CALHM5: variants seen among roughly 807,000 people sequenced by gnomAD.
CALHM5 encodes calcium homeostasis modulator protein 5.
Under a neutral mutation model 20.9 loss-of-function variants are expected in CALHM5, and 17 were observed. The ratio of observed to expected loss-of-function variants is 0.82; its 90% CI spans 0.56 to 1.22. CALHM5 has a LOEUF of 1.22. Ranked by LOEUF, CALHM5 falls within the 50% of genes most tolerant of loss-of-function variation. CALHM5 has a pLI of 0.00. For synonymous variants in CALHM5, 148 were observed against 140.0 expected, an observed-to-expected ratio of 1.06 and a Z score of -0.40; for missense variants, 360 against 364.6, an observed-to-expected ratio of 0.99 and a Z score of 0.10.
Position 116,520,256 on chromosome 6 carries a change from A to T in CALHM5, c.*4267A>T, listed in dbSNP as rs1772306581. The stretch of plus-strand genomic sequence containing the variant: ...TAGCAGAAAACTGCTACCGCTTCTC[A>T]CATGATATATTTCAAGTACTTCAAC... On this transcript the variant is annotated 3_prime_UTR_variant, in exon 2 of 2. Coordinates refer to ENST00000368599, the MANE Select transcript of CALHM5 (RefSeq NM_153711.5). 6.6e-6 allele frequency: 1 copy of T among 152,206 alleles called. No individual in the cohort carries two copies. The highest frequency in any genetic ancestry group is 2.4e-5 in the African/African-American group (1 of 41,450). 9.4% of individuals were successfully genotyped at this position (152,206 alleles called of 1,614,324 possible).
chr6:116,515,542 C>G, intron 1 of CALHM5, 58 bp from the exon 2 acceptor site: 1 of 1,517,572 alleles, frequency 6.6e-7, no homozygotes, highest in Non-Finnish European at 8.9e-7. Flanking sequence ...CAATAATACC[C>G]CAGCTCCCTA....
At chr6:116,512,441 T>C in intron 1 of CALHM5, 1 of 558,914 alleles carries the variant, frequency 1.8e-6, no homozygotes, top group Non-Finnish European at 3.1e-6. Context: ...GATTATCTCT[T>C]TTCCGGTTCT....
intron 1 of CALHM5, among the ~76,000 whole-genome samples, chr6:116,515,391 T>C (rs1377314958): frequency 6.6e-6 from 1 of 152,180 alleles, no homozygotes; most frequent in Non-Finnish European, 1.5e-5. Flanking sequence ...GGGAGGAGAA[T>C]AGAGATTAGG....
rs1353885372 is a variant in CALHM5, at chr6:116,520,896, A to G, written c.*4907A>G. On this transcript the variant is annotated 3_prime_UTR_variant, in exon 2 of 2. Coordinates refer to ENST00000368599, the MANE Select transcript of CALHM5 (RefSeq NM_153711.5). ...TTTTCTTGGGCTGGGATGAACTTTC[A>G]GAAGTTTTACAGTGAGCATTTTTTT... The G allele has an allele frequency of 6.6e-6, 1 of 152,044 alleles. No individual in the cohort carries two copies. Among genetic ancestry groups the G allele is most frequent in the Admixed American group, 6.6e-5 (1 of 15,250 alleles). The allele number at this position is 152,044 out of a possible 1,614,324, so 9.4% of individuals were successfully genotyped here.
In CALHM5 at chr6:116,515,815, T is replaced by C; in HGVS notation, c.756T>C (p.Asp252=). ...GTTTTTTTGAAAACAAGAGGCCAGA[T>C]CCTTTTCCCATGCCTACGTTTGCTG... ...LKCFFENKRP[D]PFPMPTFAAW... Residue 252 remains aspartate, a synonymous_variant, in exon 2 of 2, where the codon GAT becomes GAC. Coordinates refer to ENST00000368599, the MANE Select transcript of CALHM5 (RefSeq NM_153711.5). 1 of 1,613,962 alleles carries C rather than the reference T, an allele frequency of 6.2e-7. No homozygotes were observed. The highest frequency in any genetic ancestry group is 8.5e-7 in the Non-Finnish European group (1 of 1,179,932).
Position 116,511,976 on chromosome 6 carries a change from T to C in CALHM5, c.280T>C (p.Cys94Arg). The change falls in exon 1 of 2, where the codon TGC becomes CGC. Residue 94 changes from cysteine to arginine, a missense_variant. Cys to Arg is a radical substitution (Grantham distance 180, BLOSUM62 -3). Transcript: ENST00000368599. ...PRKIFPRGHSCRFFYVLGQIT... is the reference protein window; with the variant it reads ...PRKIFPRGHSRRFFYVLGQIT... ...GAAAATCTTTCCCAGAGGCCACAGC[T>C]GCCGTTTCTTCTACGTCCTCGGCCA... The C allele has an allele frequency of 6.2e-7, 1 of 1,614,080 alleles. No homozygotes were observed. The highest frequency in any genetic ancestry group is 8.5e-7 in the Non-Finnish European group (1 of 1,180,004).
chr6:116,515,899 C>G lies in CALHM5; in HGVS notation c.840C>G (p.Thr280=), dbSNP rs768483579. Residue 280 remains threonine (T), a synonymous_variant, in exon 2 of 2, where the codon ACC becomes ACG. Transcript: ENST00000368599. ...ACCAAAGCCAGCAACACTATAGCAC[C>G]CTCCACAGAGTGGTGGACAATGGTC... ...SFHQSQQHYS[T]LHRVVDNGLQ... is the part of the protein sequence containing the mutation. 1 of 1,613,768 alleles carries G rather than the reference C, an allele frequency of 6.2e-7. No homozygotes were observed. Among genetic ancestry groups the G allele is most frequent in the African/African-American group, 1.3e-5 (1 of 74,860 alleles).
rs1293093613 is a variant in CALHM5, at chr6:116,512,163, T to C, written c.467T>C (p.Val156Ala). 3.7e-6 allele frequency: 6 copies of C among 1,612,674 alleles called. No homozygotes were observed. Among genetic ancestry groups the C allele is most frequent in the East Asian group, 2.2e-5 (1 of 44,880 alleles). ...PKECWEELHK[V>A]SCGKTSMLPT... ...GAGTGCTGGGAAGAACTTCACAAAG[T>C]ATCTTGTGGCAAAACTAGCATGCTA... is the stretch of plus-strand genomic sequence containing the variant. The change falls in exon 1 of 2, where the codon GTA (valine) becomes GCA (alanine). Residue 156 changes from valine to alanine, a missense_variant. By Grantham distance (64) the Val-to-Ala change is moderately conservative (BLOSUM62 0). Coordinates refer to ENST00000368599, the MANE Select transcript of CALHM5 (RefSeq NM_153711.5).
chr6:116,512,338 G>C (rs1772139278), intron 1 of CALHM5, 102 bp downstream of exon 1: 3 of 1,286,314 alleles, frequency 2.3e-6, no homozygotes, highest in African/African-American at 1.5e-5. Context: ...AGAATATTTT[G>C]AAACTAAATG....
rs1158065802 is a variant in CALHM5 at position 116,521,656 on chromosome 6, A to G, written c.*5667A>G. On this transcript the variant is annotated 3_prime_UTR_variant, in exon 2 of 2. Coordinates refer to ENST00000368599, the MANE Select transcript of CALHM5 (RefSeq NM_153711.5). ...ACTCAGTCCACTGATTCAAATGCCA[A>G]TCTTTTTTGGAAACACCCCTACATA... The G allele has an allele frequency of 1.3e-5, 2 of 152,142 alleles. No homozygotes were observed. The highest frequency in any genetic ancestry group is 1.9e-4 in the East Asian group (1 of 5,184). The allele number at this position is 152,142 out of a possible 1,614,324, so 9.4% of individuals were successfully genotyped here.
Position 116,512,220 on chromosome 6 carries a change from T to C in CALHM5, c.524T>C (p.Leu175Pro). ...PTVNEELKLS[L>P]QAQSQILGWC... Reference sequence around the variant, plus strand: ...GTCAATGAAGAACTGAAACTCTCCCTTCAGGCCCAGTCTCAGGTAAGAAAA... The same window carrying C: ...GTCAATGAAGAACTGAAACTCTCCCCTCAGGCCCAGTCTCAGGTAAGAAAA... Residue 175 changes from leucine to proline, a missense_variant, in exon 1 of 2, where the codon CTT becomes CCT. Physicochemically the swap from Leu to Pro is moderately conservative, Grantham distance 98. Coordinates refer to ENST00000368599, the MANE Select transcript of CALHM5 (RefSeq NM_153711.5). The C allele has an allele frequency of 1.3e-6, 2 of 1,599,380 alleles. No individual in the cohort carries two copies. The highest frequency in any genetic ancestry group is 1.7e-6 in the Non-Finnish European group (2 of 1,176,728).
chr6:116,520,488 T>C lies in CALHM5; in HGVS notation c.*4499T>C, dbSNP rs1562342362. On this transcript the variant is annotated 3_prime_UTR_variant, in exon 2 of 2. Coordinates refer to ENST00000368599, the MANE Select transcript of CALHM5 (RefSeq NM_153711.5). ...AAATCATTAAGAAAAAGCTAAGAGG[T>C]TGGCATGAGAGGTTGGATGGAAAGC... is the stretch of plus-strand genomic sequence containing the variant. 6.6e-6 allele frequency: 1 copy of C among 152,102 alleles called. No homozygotes were observed. The highest frequency in any genetic ancestry group is 1.5e-5 in the Non-Finnish European group (1 of 68,016). The allele number at this position is 152,102 out of a possible 1,614,324, so 9.4% of individuals were successfully genotyped here. A position where few individuals can be genotyped will look rare whatever the true frequency, so the allele number is the denominator to read the frequency against.
rs1440968551 is a variant in CALHM5 at position 116,522,574 on chromosome 6, A to G, written c.*6585A>G. ...AGATGCTGATAAGTAGGTCTCTAAA[A>G]TCTCTCCACCAAAGCTGGAGATTCA... On this transcript the variant is annotated 3_prime_UTR_variant, in exon 2 of 2. Transcript: ENST00000368599. 6 of 152,212 alleles carry G rather than the reference A, an allele frequency of 3.9e-5. No individual in the cohort carries two copies. Among genetic ancestry groups the G allele is most frequent in the Non-Finnish European group, 8.8e-5 (6 of 68,040 alleles). The allele number at this position is 152,212 out of a possible 1,614,324, so 9.4% of individuals were successfully genotyped here.
At chr6:116,512,333 AT>A (rs1408126489) in intron 1 of CALHM5, 97 bp downstream of exon 1, 7 of 1,325,570 alleles carry the variant, frequency 5.3e-6, no homozygotes, top group Non-Finnish European at 7.1e-6. Flanking sequence ...CTGTCAGAAT[AT>A]TTTGAAACTA....
chr6:116,515,421 G>A (rs1772203007), intron 1 of CALHM5, among the ~76,000 whole-genome samples, 179 bp from the exon 2 acceptor site: 2 of 152,112 alleles, frequency 1.3e-5, no homozygotes, highest in Non-Finnish European at 2.9e-5. Context: ...ACTTTATTTT[G>A]AGTTTACCTA....
In CALHM5 at chr6:116,517,284, C is replaced by T. The variant is rs2115170222; in HGVS notation, c.*1295C>T. 6.6e-6 allele frequency: 1 copy of T among 152,284 alleles called. No individual in the cohort carries two copies. Among genetic ancestry groups the T allele is most frequent in the South Asian group, 2.1e-4 (1 of 4,826 alleles). 9.4% of individuals were successfully genotyped at this position (152,284 alleles called of 1,614,324 possible). A position where few individuals can be genotyped will look rare whatever the true frequency, so the allele number is the denominator to read the frequency against. On this transcript the variant is annotated 3_prime_UTR_variant, in exon 2 of 2. Coordinates refer to ENST00000368599, the MANE Select transcript of CALHM5 (RefSeq NM_153711.5). ...GACCTTGGCTAAAGGTCTGGGGACA[C>T]TGTCCAAAGCAGTACTGGCATAAAA...
In CALHM5 at chr6:116,519,218, G is replaced by A. The variant is rs557105230; in HGVS notation, c.*3229G>A. On this transcript the variant is annotated 3_prime_UTR_variant, in exon 2 of 2. Coordinates refer to ENST00000368599, the MANE Select transcript of CALHM5 (RefSeq NM_153711.5). ...CTGTGTATACATGATTTATTAAAAG[G>A]AAATCCTCTTAGGAGAAACATATTA... The A allele has an allele frequency of 6.6e-6, 1 of 152,282 alleles. No individual in the cohort carries two copies. The highest frequency in any genetic ancestry group is 1.5e-5 in the Non-Finnish European group (1 of 68,014). The allele number at this position is 152,282 out of a possible 1,614,324, so 9.4% of individuals were successfully genotyped here.
In CALHM5 at chr6:116,512,139, A is replaced by C. The variant is rs1237739290; in HGVS notation, c.443A>C (p.Glu148Ala). Residue 148 changes from glutamate to alanine, a missense_variant, in exon 1 of 2, where the codon GAG (glutamate) becomes GCG (alanine). By Grantham distance (107) the Glu-to-Ala change is moderately radical (BLOSUM62 -1). Coordinates refer to ENST00000368599, the MANE Select transcript of CALHM5 (RefSeq NM_153711.5). ...CTGATTTGCAAGGGTAAGCCCAAAG[A>C]GTGCTGGGAAGAACTTCACAAAGTA... ...LELICKGKPKECWEELHKVSC... is the reference protein window; with the variant it reads ...LELICKGKPKACWEELHKVSC... 6.2e-7 allele frequency: 1 copy of C among 1,613,676 alleles called. No individual in the cohort carries two copies.
In CALHM5 at chr6:116,519,085, A is replaced by G. The variant is rs1772283777; in HGVS notation, c.*3096A>G. ...TCTTGAGTATCTTGAGGGAATGGGTATCTAGAGGCAGCAGGATGAACTGGC... is the reference window on the plus strand; with the variant it reads ...TCTTGAGTATCTTGAGGGAATGGGTGTCTAGAGGCAGCAGGATGAACTGGC... On this transcript the variant is annotated 3_prime_UTR_variant, in exon 2 of 2. Coordinates refer to ENST00000368599, the MANE Select transcript of CALHM5 (RefSeq NM_153711.5). 1 of 152,228 alleles carries G rather than the reference A, an allele frequency of 6.6e-6. No individual in the cohort carries two copies. Among genetic ancestry groups the G allele is most frequent in the African/African-American group, 2.4e-5 (1 of 41,456 alleles). 9.4% of individuals were successfully genotyped at this position (152,228 alleles called of 1,614,324 possible).
Sources: gnomAD v4.1 joint callset for allele counts (sites outside exome capture counted in the v4.1 genomes callset) on GRCh38, gnomAD v4.1.1 for gene constraint, MANE v1.5 for transcripts, NCBI Gene and HGNC (gene_info 2026-07-23, HGNC 2026-07-21) for gene names.